Variants in TMEM132D observed in about 807,000 individuals in gnomAD.
TMEM132D encodes the protein transmembrane protein 132D, also known as mature OL transmembrane protein.
A neutral mutation model predicts 62.3 loss-of-function variants in TMEM132D; 21 were observed. The ratio of observed to expected loss-of-function variants is 0.34; its 90% confidence interval spans 0.24 to 0.49. The LOEUF is 0.49. Ranked by LOEUF, TMEM132D falls within the 20% of genes least tolerant of loss-of-function variation. TMEM132D has a pLI of 0.99. For missense variants in TMEM132D, 1,346 were observed against 1,402.8 expected (o/e 0.96, Z 0.65); for synonymous variants, 621 against 575.6 (o/e 1.08, Z -1.13).
chr12:129,436,997 G>A (rs1027767636), intron 3 of TMEM132D, among the ~76,000 whole-genome samples: 4 of 152,100 alleles, frequency 2.6e-5, no homozygotes, highest in African/African-American at 7.2e-5. Flanking sequence ...CATAGAGACT[G>A]CTCCATCACT....
intron 5 of TMEM132D, among the ~76,000 whole-genome samples, chr12:129,192,483 C>G (rs1878431642): frequency 1.3e-5 from 2 of 151,856 alleles, no homozygotes; most frequent in Admixed American, 6.6e-5. Flanking sequence ...GTAACTGACT[C>G]TAACATTGAA....
chr12:129,341,614 A>G (rs1738971007), intron 3 of TMEM132D, among the ~76,000 whole-genome samples: 1 of 152,238 alleles, frequency 6.6e-6, no homozygotes, highest in Admixed American at 6.5e-5. Context: ...ACAAATTAAT[A>G]ATGTTTACTA....
intron 3 of TMEM132D, among the ~76,000 whole-genome samples, chr12:129,436,747 G>A (rs986921028): frequency 1.3e-5 from 2 of 152,146 alleles, no homozygotes; most frequent in African/African-American, 4.8e-5. Flanking sequence ...AAAACCAAGT[G>A]TGTGCGTTTG....
In TMEM132D at chr12:129,420,957, T is replaced by G. The variant is rs538525832; in HGVS notation, c.1116-83140A>C. 2.0e-5 allele frequency among the ~76,000 whole-genome samples: 3 copies of G among 149,166 alleles called. No individual in the cohort carries two copies. The South Asian group carries it at 6.3e-4, about 31-fold the overall frequency. On this transcript the variant is annotated intron_variant, in intron 3 of 8. Transcript: ENST00000422113. ...TCTAACAGTCCGAGCTGTTGGTAGA[T>G]CTACCTTTTTTTTTTTTTTTTTGAG... is the stretch of plus-strand genomic sequence containing the variant.
At chr12:129,186,701 G>T (rs1878231322) in intron 5 of TMEM132D, among the ~76,000 whole-genome samples, 1 of 152,132 alleles carries the variant, frequency 6.6e-6, no homozygotes, top group African/African-American at 2.4e-5. Context: ...AAGATGAAAT[G>T]AGCTAATACA....
intron 1 of TMEM132D, among the ~76,000 whole-genome samples, chr12:129,806,433 T>G (rs1871982978): frequency 7.9e-6 from 1 of 127,360 alleles, no homozygotes; most frequent in African/African-American, 2.9e-5. Flanking sequence ...CTCAGTAAAC[T>G]ATCGCAAGAA....
chr12:129,878,604 G>A (rs1593196584), intron 1 of TMEM132D, among the ~76,000 whole-genome samples: 1 of 149,118 alleles, frequency 6.7e-6, no homozygotes, highest in African/African-American at 2.5e-5. Flanking sequence ...TAAAGACACA[G>A]TCTCGCTTTG....
At chr12:129,705,104 C>T (rs912462523) in intron 1 of TMEM132D, among the ~76,000 whole-genome samples, 3 of 152,116 alleles carry the variant, frequency 2.0e-5, no homozygotes, top group African/African-American at 2.4e-5. Flanking sequence ...ATAGAAAAGG[C>T]GAAGCAATGG....
intron 5 of TMEM132D, among the ~76,000 whole-genome samples, chr12:129,091,335 T>C (rs1163543695): frequency 6.6e-6 from 1 of 151,916 alleles, no homozygotes; most frequent in Non-Finnish European, 1.5e-5. Flanking sequence ...CTGAGGACCT[T>C]ACCTATCCTC....
At chr12:129,866,603 TA>T (rs202220288) in intron 1 of TMEM132D, among the ~76,000 whole-genome samples, 7,344 of 143,854 alleles carry the variant, frequency 0.051, 228 homozygotes, top group South Asian at 0.1. Context: ...AAAAATATAT[TA>T]AAAAAAAAAA....
intron 2 of TMEM132D, among the ~76,000 whole-genome samples, chr12:129,592,796 C>A (rs781191443): frequency 6.6e-6 from 1 of 152,146 alleles, no homozygotes; most frequent in Non-Finnish European, 1.5e-5. Flanking sequence ...TCTATGTGTG[C>A]AAAAGTGGGT....
chr12:129,899,032 C>T (rs1875243502), intron 1 of TMEM132D, among the ~76,000 whole-genome samples: 1 of 152,226 alleles, frequency 6.6e-6, no homozygotes, highest in Non-Finnish European at 1.5e-5. Flanking sequence ...GTCCTGTGTC[C>T]TCACAACACT....
intron 5 of TMEM132D, among the ~76,000 whole-genome samples, chr12:129,141,093 T>C (rs559273399): frequency 6.6e-6 from 1 of 152,194 alleles, no homozygotes. Context: ...GCATCATTCA[T>C]ATATAGAAAT....
Position 129,903,377 on chromosome 12 carries a change from G to C in TMEM132D, c.-38C>G, listed in dbSNP as rs1875436406. On this transcript the variant is annotated 5_prime_UTR_variant, in exon 1 of 9. Coordinates refer to ENST00000422113, the MANE Select transcript of TMEM132D (RefSeq NM_133448.3). This position sits in a 1 kb window ranked among gnomAD's most constrained non-coding sequence, Gnocchi z 6.2. ...GAGCGCAGATCCTCCGCTCCCCGGC[G>C]CCGTCCAGGCGAACAAGAGACCGTC... 6.5e-7 allele frequency: 1 copy of C among 1,545,692 alleles called. No homozygotes were observed. Among genetic ancestry groups the C allele is most frequent in the South Asian group, 1.2e-5 (1 of 83,958 alleles).
intron 1 of TMEM132D, among the ~76,000 whole-genome samples, chr12:129,801,211 C>T (rs1050606666): frequency 1.3e-5 from 2 of 152,214 alleles, no homozygotes. Context: ...GTGGAGCCCA[C>T]CACAGCTCAA....
At position 129,075,003 on chromosome 12, in the gene TMEM132D, A is replaced by G. The variant is rs1593251076; in HGVS notation, c.2172T>C (p.Asp724=). 1 of 1,613,718 alleles carries G rather than the reference A, an allele frequency of 6.2e-7. No homozygotes were observed. Among genetic ancestry groups the G allele is most frequent in the Non-Finnish European group, 8.5e-7 (1 of 1,180,020 alleles). Residue 724 remains aspartate (D), a synonymous_variant, in exon 9 of 9, where the codon GAT becomes GAC. Coordinates refer to ENST00000422113, the MANE Select transcript of TMEM132D (RefSeq NM_133448.3). ...QFSDGSVTPL[D]IYDGKDFSLM... ...AGGAGAAGTCTTTCCCATCGTAAAT[A>G]TCCAAGGGCGTGACTGAGCCATCAC...
At chr12:129,380,129 G>A (rs1340280065) in intron 3 of TMEM132D, among the ~76,000 whole-genome samples, 1 of 152,002 alleles carries the variant, frequency 6.6e-6, no homozygotes, top group East Asian at 1.9e-4. Context: ...TTTTATTATT[G>A]ATGGCATTTT....
chr12:129,567,058 T>A (rs269162), intron 2 of TMEM132D, among the ~76,000 whole-genome samples: 132,193 of 152,252 alleles, frequency 0.87, 57,522 homozygotes, highest in East Asian at 0.99. Context: ...GACTACCTTG[T>A]TGACCAGTTC....
intron 2 of TMEM132D, among the ~76,000 whole-genome samples, chr12:129,663,743 A>G (rs1156750962): frequency 6.6e-6 from 1 of 152,214 alleles, no homozygotes; most frequent in East Asian, 1.9e-4. Context: ...TGGCGACCCA[A>G]GTAAAGAAAC....
Sources: allele counts gnomAD v4.1 joint callset (sites outside exome capture counted in the v4.1 genomes callset), GRCh38; gene constraint gnomAD v4.1.1; non-coding constraint Gnocchi (gnomAD v3.1); transcripts MANE v1.5; gene names NCBI Gene and HGNC (gene_info 2026-07-23, HGNC 2026-07-21).